Variants in SULF2 observed in about 807,000 individuals in gnomAD.
SULF2 encodes the protein extracellular sulfatase Sulf-2.
Under a neutral mutation model 107.7 loss-of-function variants are expected in SULF2, and 52 were observed. The ratio of observed to expected loss-of-function variants is 0.48; its 90% CI spans 0.39 to 0.61. The LOEUF (loss-of-function observed/expected upper bound fraction) is 0.61. Ranked by LOEUF, SULF2 falls within the 20% of genes least tolerant of loss-of-function variation. The pLI, the probability that SULF2 is intolerant of heterozygous loss-of-function variation, is 0.00. For synonymous variants in SULF2, 460 were observed against 464.3 expected, an observed-to-expected ratio of 0.99 and a Z score of 0.12; for missense variants, 993 against 1,177.3, an observed-to-expected ratio of 0.84 and a Z score of 2.29.
At chr20:47,772,262 C>T (rs924910272) in intron 1 of SULF2, among the ~76,000 whole-genome samples, 20 of 152,338 alleles carry the variant, frequency 1.3e-4, no homozygotes, top group East Asian at 3.9e-4. Context: ...GATCATTCTT[C>T]GATGGGGGAC....
intron 3 of SULF2, among the ~76,000 whole-genome samples, chr20:47,718,022 T>A (rs1357561869): frequency 6.6e-6 from 1 of 152,076 alleles, no homozygotes; most frequent in Non-Finnish European, 1.5e-5. Context: ...TTTCACCTTG[T>A]TGGTTAGGAT....
intron 2 of SULF2, among the ~76,000 whole-genome samples, chr20:47,748,428 G>A (rs1175469909): frequency 6.6e-6 from 1 of 152,246 alleles, no homozygotes; most frequent in Non-Finnish European, 1.5e-5. Context: ...CTCTGGTGTT[G>A]CTGAGACCCT....
intron 4 of SULF2, among the ~76,000 whole-genome samples, chr20:47,701,525 C>T (rs75559461): frequency 0.025 from 3,844 of 152,310 alleles, 177 homozygotes; most frequent in African/African-American, 0.088. Flanking sequence ...GCAGCACCCA[C>T]TCACTCCGAA....
chr20:47,756,803 G>A (rs2090299381), intron 2 of SULF2, among the ~76,000 whole-genome samples: 1 of 152,116 alleles, frequency 6.6e-6, no homozygotes, highest in South Asian at 2.1e-4. Flanking sequence ...GCGCCATCAT[G>A]CCTGGCTCAT....
At chr20:47,707,341 C>A (rs977750763) in intron 3 of SULF2, among the ~76,000 whole-genome samples, 1 of 152,088 alleles carries the variant, frequency 6.6e-6, no homozygotes, top group African/African-American at 2.4e-5. Flanking sequence ...TGCCCCACTT[C>A]GCCCTTTAGA....
At position 47,757,323 on chromosome 20, in the gene SULF2, G is replaced by A. The variant is rs1318010816; in HGVS notation, c.41C>T (p.Thr14Ile). 6.2e-7 allele frequency: 1 copy of A among 1,602,988 alleles called. No individual in the cohort carries two copies. Among genetic ancestry groups the A allele is most frequent in the African/African-American group, 1.3e-5 (1 of 74,910 alleles). ...GCTTCCACCCAGCAGGGAGAACACA[G>A]TTGCGGACAGCAAGCACAGCACGAG... Reference protein sequence around the residue: ...PSLVLCLLSATVFSLLGGSSA... With the variant: ...PSLVLCLLSAIVFSLLGGSSA... The change falls in exon 2 of 21, where the codon ACT (threonine) becomes ATT (isoleucine). Residue 14 changes from threonine to isoleucine, a missense_variant. Physicochemically the swap from Thr to Ile is moderately conservative, Grantham distance 89 (BLOSUM62 -1). This residue lies in a region of SULF2 where 388 missense variants were observed against 449.2 expected (regional missense o/e 0.86). Transcript: ENST00000688720.
intron 18 of SULF2, among the ~76,000 whole-genome samples, chr20:47,660,319 T>G (rs73913406): frequency 0.069 from 10,472 of 152,304 alleles, 476 homozygotes; most frequent in African/African-American, 0.12. Context: ...TGGCAGAGAT[T>G]AGGAAGCTAC....
Position 47,736,781 on chromosome 20 carries a change from A to G in SULF2, c.337T>C (p.Cys113Arg). 6.2e-7 allele frequency: 1 copy of G among 1,614,244 alleles called. No individual in the cohort carries two copies. The highest frequency in any genetic ancestry group is 1.1e-5 in the South Asian group (1 of 91,092). ...TGTGCCTGCCAGGAGGGCGAGGAGCAGTTCTCATTGTTGGTGTAGGTGTTG... is the reference window on the plus strand; with the variant it reads ...TGTGCCTGCCAGGAGGGCGAGGAGCGGTTCTCATTGTTGGTGTAGGTGTTG... Reference protein sequence around the residue: ...NHNTYTNNENCSSPSWQAQHE... With the variant: ...NHNTYTNNENRSSPSWQAQHE... Residue 113 changes from cysteine to arginine, a missense_variant, in exon 3 of 21, where the codon TGC (cysteine) becomes CGC (arginine). Physicochemically the swap from Cys to Arg is radical, Grantham distance 180. This residue lies in a region of SULF2 where 388 missense variants were observed against 449.2 expected (regional missense o/e 0.86). Coordinates refer to ENST00000688720, the MANE Select transcript of SULF2 (RefSeq NM_001387048.1).
At chr20:47,707,856 G>A (rs188997592) in intron 3 of SULF2, among the ~76,000 whole-genome samples, 15 of 152,184 alleles carry the variant, frequency 9.9e-5, no homozygotes, top group Non-Finnish European at 1.8e-4. Context: ...CTTTCTACTC[G>A]TGGCAAACAA....
intron 5 of SULF2, among the ~76,000 whole-genome samples, chr20:47,687,650 T>C (rs1024965759): frequency 2.6e-5 from 4 of 151,744 alleles, no homozygotes; most frequent in Non-Finnish European, 5.9e-5. Context: ...TGTCTTTGTT[T>C]GCGTGTGTGT....
At chr20:47,757,082 A>C (rs759514649) in intron 2 of SULF2, 107 bp downstream of exon 2, 2 of 1,065,838 alleles carry the variant, frequency 1.9e-6, no homozygotes, top group African/African-American at 3.2e-5. Flanking sequence ...TGTACTCAAA[A>C]GTGAGCACGA....
At chr20:47,684,776 G>C in intron 5 of SULF2, 195 bp from the exon 6 acceptor site, 3 of 534,858 alleles carry the variant, frequency 5.6e-6, no homozygotes, top group Non-Finnish European at 9.8e-6. Context: ...GTTTCTCCAC[G>C]TGTGAAGTGT....
rs547179495 is a variant in SULF2, at chr20:47,732,828, G to C, written c.415+3875C>G. On this transcript the variant is annotated intron_variant, in intron 3 of 20. Coordinates refer to ENST00000688720, the MANE Select transcript of SULF2 (RefSeq NM_001387048.1). ...ACTGCACTCCAGCGTGGGCAACAGAGTGAGACCCTGTCTCAAAAACAAACA... is the reference window on the plus strand; with the variant it reads ...ACTGCACTCCAGCGTGGGCAACAGACTGAGACCCTGTCTCAAAAACAAACA... Among the ~76,000 whole-genome samples the C allele has an allele frequency of 3.3e-5, 5 of 152,278 alleles. No individual in the cohort carries two copies. The East Asian group carries it at 9.6e-4, about 29-fold the overall frequency.
intron 2 of SULF2, among the ~76,000 whole-genome samples, chr20:47,754,896 T>C (rs1053286132): frequency 6.6e-6 from 1 of 152,210 alleles, no homozygotes; most frequent in Non-Finnish European, 1.5e-5. Context: ...AGAACAGTGG[T>C]GTGACCTAGG....
intron 10 of SULF2, among the ~76,000 whole-genome samples, chr20:47,673,513 C>T (rs1287681743): frequency 3.9e-5 from 6 of 152,068 alleles, no homozygotes; most frequent in South Asian, 4.2e-4. Flanking sequence ...TCTGCTGCAC[C>T]GTCTGCCCCC....
At chr20:47,659,630 A>T in intron 19 of SULF2, 67 bp downstream of exon 19, 2 of 1,444,954 alleles carry the variant, frequency 1.4e-6, no homozygotes, top group Non-Finnish European at 1.9e-6. Context: ...AGACTCACAG[A>T]GATGAGACTG....
chr20:47,728,112 C>T (rs1377705119), intron 3 of SULF2, among the ~76,000 whole-genome samples: 1 of 152,088 alleles, frequency 6.6e-6, no homozygotes, highest in African/African-American at 2.4e-5. Context: ...ATACACTCCA[C>T]GGGGTGAATG....
chr20:47,762,738 T>C (rs1250313145), intron 1 of SULF2, among the ~76,000 whole-genome samples: 5 of 152,212 alleles, frequency 3.3e-5, no homozygotes, highest in Admixed American at 1.3e-4. Context: ...TTGGGAGCCC[T>C]GGGCTGGGTA....
At chr20:47,782,561 G>A (rs2090851684) in intron 1 of SULF2, among the ~76,000 whole-genome samples, 1 of 152,136 alleles carries the variant, frequency 6.6e-6, no homozygotes, top group Non-Finnish European at 1.5e-5. Context: ...CACCCCCAGG[G>A]CCAGGCCATC....
Sources: gnomAD v4.1 joint callset for allele counts (sites outside exome capture counted in the v4.1 genomes callset) on GRCh38, gnomAD v4.1.1 for gene constraint, gnomAD v4.1.1 regional missense constraint, MANE v1.5 for transcripts, NCBI Gene and HGNC (gene_info 2026-07-23, HGNC 2026-07-21) for gene names.